ZNF695: variants seen among roughly 807,000 people sequenced by gnomAD.
The protein encoded by ZNF695 is zinc finger protein 695.
Under a neutral mutation model 11.2 loss-of-function variants are expected in ZNF695, and 11 were observed. That is an observed-to-expected ratio of 0.98 (90% CI 0.62 to 1.62). The LOEUF (loss-of-function observed/expected upper bound fraction) is 1.62, where lower values mean the gene tolerates loss of function less well. ZNF695 is among the 40% of genes most tolerant of loss of function. The pLI is 0.00. For synonymous variants in ZNF695, 190 were observed against 201.4 expected, an observed-to-expected ratio of 0.94 and a Z score of 0.48; for missense variants, 559 against 590.5, an observed-to-expected ratio of 0.95 and a Z score of 0.55.
Position 246,999,349 on chromosome 1 carries a change from T to C in ZNF695, c.258A>G (p.Ser86=). Residue 86 remains serine (S), a splice_region_variant and synonymous_variant, in exon 3 of 4, where the codon TCA becomes TCG. Coordinates refer to ENST00000339986, the MANE Select transcript of ZNF695 (RefSeq NM_020394.5). ...NVNTEKTARH[S]VLSSYLTEDI... ...TTCGCTTCATTCACTCCCACCTACC[T>C]GAGTGTCTGGCTGTCTTCTCTGTGT... The C allele has an allele frequency of 6.2e-7, 1 of 1,611,046 alleles. No homozygotes were observed. Among genetic ancestry groups the C allele is most frequent in the Non-Finnish European group, 8.5e-7 (1 of 1,177,186 alleles).
intron 1 of ZNF695, among the ~76,000 whole-genome samples, chr1:247,002,199 TAC>T (rs1048302927): frequency 8.6e-5 from 13 of 151,950 alleles, no homozygotes; most frequent in Admixed American, 1.3e-4. Context: ...CTGAAAACCA[TAC>T]AGTTACAAGG....
At chr1:246,998,716 C>T (rs917969538) in intron 3 of ZNF695, among the ~76,000 whole-genome samples, 8 of 152,082 alleles carry the variant, frequency 5.3e-5, no homozygotes, top group African/African-American at 1.7e-4. Flanking sequence ...GCCTGTAATC[C>T]CGGCACTTTG....
At chr1:247,000,888 G>C (rs1669360359) in intron 1 of ZNF695, among the ~76,000 whole-genome samples, 2 of 152,124 alleles carry the variant, frequency 1.3e-5, no homozygotes, top group South Asian at 4.1e-4. Context: ...CGCAATGACA[G>C]GATCAAATCC....
intron 3 of ZNF695, among the ~76,000 whole-genome samples, chr1:246,995,739 C>T (rs1445092231): frequency 2.8e-5 from 4 of 145,316 alleles, no homozygotes; most frequent in Middle Eastern, 7.2e-3. Flanking sequence ...GACCTGAACC[C>T]GGGACGCAGT....
At chr1:247,000,348 C>T (rs1357307869) in intron 1 of ZNF695, among the ~76,000 whole-genome samples, 2 of 151,902 alleles carry the variant, frequency 1.3e-5, no homozygotes, top group African/African-American at 4.8e-5. Flanking sequence ...CTGCTAAAAC[C>T]ACAAAAATTA....
At chr1:246,962,482 A>C (rs1032384142) in intron 5 of ZNF695, among the ~76,000 whole-genome samples, 2 of 152,110 alleles carry the variant, frequency 1.3e-5, no homozygotes, top group Admixed American at 1.3e-4. Context: ...ATACCTCTCA[A>C]ATCCATCCCC....
At chr1:247,001,727 A>G (rs1431811162) in intron 1 of ZNF695, among the ~76,000 whole-genome samples, 1 of 151,308 alleles carries the variant, frequency 6.6e-6, no homozygotes, top group Non-Finnish European at 1.5e-5. Context: ...AAAAAAAAAA[A>G]AAAAAAAGAA....
chr1:246,998,977 AATATAT>A lies in ZNF695; in HGVS notation c.259+365_259+370del, dbSNP rs6143721. Among the ~76,000 whole-genome samples the A allele has an allele frequency of 5.1e-3, 730 of 144,270 alleles. 2 individuals are homozygous for A. The highest frequency in any genetic ancestry group is 0.011 in the Middle Eastern group (3 of 278). 94.6% of individuals were successfully genotyped at this position (144,270 alleles called of 152,430 possible). On this transcript the variant is annotated intron_variant, in intron 3 of 3. Transcript: ENST00000339986. ...AACGAGACTCTGTCTCAAGAAAACA[AATATAT>A]ATATATATATATATATATATATATA...
intron 4 of ZNF695, chr1:246,968,785 G>C (rs1022346600): frequency 6.6e-6 from 1 of 152,294 alleles, no homozygotes; most frequent in African/African-American, 2.4e-5. Flanking sequence ...TCCAAGGCTT[G>C]TGTCTTATAC....
At position 246,986,641 on chromosome 1, in the gene ZNF695, G is replaced by C; in HGVS notation, c.*326C>G. On this transcript the variant is annotated 3_prime_UTR_variant, in exon 4 of 4. Coordinates refer to ENST00000339986, the MANE Select transcript of ZNF695 (RefSeq NM_020394.5). ...GAGGTATATTTTTTGAACAAATGTTGTTTCTGCATTTATTACATTTGTAGG... is the reference window on the plus strand; with the variant it reads ...GAGGTATATTTTTTGAACAAATGTTCTTTCTGCATTTATTACATTTGTAGG... The C allele has an allele frequency of 2.9e-6, 3 of 1,039,166 alleles. No homozygotes were observed. Among genetic ancestry groups the C allele is most frequent in the Non-Finnish European group, 3.5e-6 (3 of 865,404 alleles). The allele number at this position is 1,039,166 out of a possible 1,614,324, so 64.4% of individuals were successfully genotyped here. A position where few individuals can be genotyped will look rare whatever the true frequency, so the allele number is the denominator to read the frequency against.
intron 4 of ZNF695, chr1:246,969,332 C>T (rs1668366877): frequency 6.6e-6 from 1 of 152,218 alleles, no homozygotes. Context: ...GGGCACAATG[C>T]CACTAGTCTC....
At chr1:246,988,940 A>G (rs1292436300) in intron 3 of ZNF695, among the ~76,000 whole-genome samples, 2 of 151,970 alleles carry the variant, frequency 1.3e-5, no homozygotes, top group Admixed American at 6.6e-5. Context: ...AAATACAAAA[A>G]AAAATTAGCC....
intron 5 of ZNF695, among the ~76,000 whole-genome samples, chr1:246,946,014 T>C (rs1325254757): frequency 6.6e-6 from 1 of 152,080 alleles, no homozygotes; most frequent in Non-Finnish European, 1.5e-5. Flanking sequence ...AGGTTTTAGA[T>C]GGCAAAAAGA....
At chr1:246,982,323 CTAT>C (rs1668731279), downstream of ZNF695, among the ~76,000 whole-genome samples, 1 of 149,742 alleles carries the variant, frequency 6.7e-6, no homozygotes, top group South Asian at 2.1e-4. Context: ...AGAAGTCATT[CTAT>C]TATTGTTCAA....
intron 4 of ZNF695, among the ~76,000 whole-genome samples, chr1:246,975,427 T>G (rs991433282): frequency 1.3e-5 from 2 of 152,244 alleles, no homozygotes; most frequent in African/African-American, 4.8e-5. Flanking sequence ...AAATCCATTT[T>G]TCTGCCTTCT....
intron 5 of ZNF695, among the ~76,000 whole-genome samples, chr1:246,955,894 C>T (rs1383612765): frequency 1.3e-5 from 2 of 152,070 alleles, no homozygotes; most frequent in Non-Finnish European, 2.9e-5. Flanking sequence ...ATCACTAACC[C>T]CTTACTTGAC....
intron 5 of ZNF695, among the ~76,000 whole-genome samples, chr1:246,954,416 G>C (rs1558302643): frequency 6.6e-6 from 1 of 152,202 alleles, no homozygotes; most frequent in African/African-American, 2.4e-5. Flanking sequence ...CGAATTGCTG[G>C]AGAAGATCCA....
chr1:246,957,865 C>G (rs1231824286), intron 5 of ZNF695, among the ~76,000 whole-genome samples: 3 of 151,618 alleles, frequency 2.0e-5, no homozygotes, highest in Non-Finnish European at 4.4e-5. Flanking sequence ...AACTCCTGGT[C>G]CTACAGACGT....
intron 4 of ZNF695, among the ~76,000 whole-genome samples, chr1:246,970,337 C>T (rs1408103246): frequency 1.3e-5 from 2 of 151,332 alleles, no homozygotes; most frequent in Non-Finnish European, 2.9e-5. Flanking sequence ...CAGAGGTGAG[C>T]CCTACAATCA....
Sources: allele counts gnomAD v4.1 joint callset (sites outside exome capture counted in the v4.1 genomes callset), GRCh38; gene constraint gnomAD v4.1.1; transcripts MANE v1.5; gene names NCBI Gene and HGNC (gene_info 2026-07-23, HGNC 2026-07-21).